The following SERPINB12 variants were observed in gnomAD, a reference collection of about 807,000 sequenced individuals.
The protein encoded by SERPINB12 is serpin B12.
A neutral mutation model predicts 41.1 loss-of-function variants in SERPINB12; 57 were observed. That is an observed-to-expected ratio of 1.39 (90% CI 1.12 to 1.73). The LOEUF is 1.73. Among genes scored for constraint, SERPINB12 ranks in the 40% most tolerant of loss-of-function variants. The pLI, the probability that SERPINB12 is intolerant of heterozygous loss-of-function variation, is 0.00. For synonymous variants in SERPINB12, 180 were observed against 181.3 expected, an observed-to-expected ratio of 0.99 and a Z score of 0.06; for missense variants, 536 against 501.9, an observed-to-expected ratio of 1.07 and a Z score of -0.65.
In SERPINB12 at chr18:63,561,161, C is replaced by A; in HGVS notation, c.521C>A (p.Ser174Tyr). 2 of 1,612,928 alleles carry A rather than the reference C, an allele frequency of 1.2e-6. No individual in the cohort carries two copies. The highest frequency in any genetic ancestry group is 1.7e-6 in the Non-Finnish European group (2 of 1,179,052). ...SVDFQKNPEK[S>Y]RQEINFWVEC... ...GATTTCCAAAAAAACCCTGAAAAAT[C>A]CAGACAAGAGATTAACTTCTGGGTT... Residue 174 changes from serine (S) to tyrosine (Y), a missense_variant, in exon 5 of 8, where the codon TCC becomes TAC. Transcript: ENST00000382768.
At position 63,556,343 on chromosome 18, in the gene SERPINB12, G is replaced by T; in HGVS notation, c.168+16G>T. On this transcript the variant is annotated intron_variant, in intron 2 of 7. Transcript: ENST00000382768. ...GATTGATGAGGTACGTGTCCACTAGGGTGCTACACAGGGTCCTAAACTCTG... is the reference window on the plus strand; with the variant it reads ...GATTGATGAGGTACGTGTCCACTAGTGTGCTACACAGGGTCCTAAACTCTG... The T allele has an allele frequency of 6.2e-7, 1 of 1,609,676 alleles. No individual in the cohort carries two copies. The highest frequency in any genetic ancestry group is 1.1e-5 in the South Asian group (1 of 90,708).
intron 2 of SERPINB12, among the ~76,000 whole-genome samples, chr18:63,557,091 C>T (rs1471649123): frequency 6.6e-6 from 1 of 152,178 alleles, no homozygotes; most frequent in East Asian, 1.9e-4. Context: ...ATCTGAATCC[C>T]AGATAAGCCC....
chr18:63,545,955 A>G (rs1410156319), intron 1 of SERPINB12, among the ~76,000 whole-genome samples: 1 of 152,196 alleles, frequency 6.6e-6, no homozygotes, highest in Non-Finnish European at 1.5e-5. Context: ...TTCTATGCTT[A>G]CTATTGATAA....
the SERPINB12 span, among the ~76,000 whole-genome samples, chr18:63,522,065 T>C: frequency 1.5e-3 from 221 of 152,350 alleles, no homozygotes; most frequent in African/African-American, 4.7e-3. Flanking sequence ...TTATCACAGA[T>C]AATCAAAATA....
At chr18:63,521,689 C>T in the SERPINB12 span, among the ~76,000 whole-genome samples, 10 of 152,146 alleles carry the variant, frequency 6.6e-5, no homozygotes, top group African/African-American at 1.9e-4. Flanking sequence ...TTTGTTCTGT[C>T]GCTGTGAGAA....
At chr18:63,540,563 C>T (rs1234239673), upstream of SERPINB12, among the ~76,000 whole-genome samples, 2 of 152,146 alleles carry the variant, frequency 1.3e-5, no homozygotes, top group African/African-American at 4.8e-5. Context: ...AGGAAGTAAT[C>T]TGAGATTCAG....
intron 6 of SERPINB12, 91 bp from the exon 7 acceptor site, chr18:63,565,354 T>G (rs1911059449): frequency 8.1e-7 from 1 of 1,235,782 alleles, no homozygotes; most frequent in Middle Eastern, 2.2e-4. Context: ...CTTCTCATCT[T>G]TAGGAACCCC....
chr18:63,526,740 GATTA>G, the SERPINB12 span, among the ~76,000 whole-genome samples: 5 of 152,276 alleles, frequency 3.3e-5, no homozygotes, highest in South Asian at 2.1e-4. Context: ...TGAGTTGAGA[GATTA>G]ATTCTTTCAA....
the SERPINB12 span, among the ~76,000 whole-genome samples, chr18:63,532,593 A>G: frequency 1.8e-3 from 277 of 152,184 alleles, no homozygotes; most frequent in African/African-American, 6.1e-3. Context: ...GACAGATTTT[A>G]CCTACTCTAC....
At chr18:63,524,866 C>T in the SERPINB12 span, among the ~76,000 whole-genome samples, 2 of 151,226 alleles carry the variant, frequency 1.3e-5, no homozygotes, top group Admixed American at 1.3e-4. Flanking sequence ...TCTCTTGTCT[C>T]AGCCACTCCA....
At chr18:63,524,924 A>G in the SERPINB12 span, among the ~76,000 whole-genome samples, 1 of 151,284 alleles carries the variant, frequency 6.6e-6, no homozygotes, top group Non-Finnish European at 1.5e-5. Flanking sequence ...TGATTTTTGT[A>G]TTTTTAGAAG....
chr18:63,534,507 G>C, the SERPINB12 span, among the ~76,000 whole-genome samples: 1 of 152,052 alleles, frequency 6.6e-6, no homozygotes, highest in Non-Finnish European at 1.5e-5. Context: ...GCATGATATT[G>C]GCCAGCACAG....
upstream of SERPINB12, among the ~76,000 whole-genome samples, chr18:63,539,948 A>G (rs1481757219): frequency 5.3e-5 from 8 of 151,594 alleles, no homozygotes; most frequent in Admixed American, 5.3e-4. Flanking sequence ...ACGTGGACAT[A>G]GAGAATTGCA....
chr18:63,564,346 T>C (rs946668764), intron 6 of SERPINB12, among the ~76,000 whole-genome samples: 2 of 152,238 alleles, frequency 1.3e-5, no homozygotes, highest in African/African-American at 2.4e-5. Flanking sequence ...AAGAGCATTA[T>C]GAGATGGGTG....
chr18:63,564,119 C>T lies in SERPINB12; in HGVS notation c.704C>T (p.Ala235Val), dbSNP rs543006776. 84 of 1,611,266 alleles carry T rather than the reference C, an allele frequency of 5.2e-5. No individual in the cohort carries two copies. The highest frequency in any genetic ancestry group is 1.7e-4 in the Middle Eastern group (1 of 6,056). The change falls in exon 6 of 8, where the codon GCG becomes GTG. Residue 235 changes from alanine (A) to valine (V), a missense_variant and splice_region_variant. By Grantham distance (64) the Ala-to-Val change is moderately conservative. Transcript: ENST00000382768. ...GTGGATGCACCTTTCTGTCTAAATG[C>T]GGTAGTGTATCAGAACTCATGGTTT... is the stretch of plus-strand genomic sequence containing the variant. ...NTVDAPFCLN[A>V]NENKSVKMMT...
At chr18:63,557,482 G>T (rs985961685) in intron 2 of SERPINB12, among the ~76,000 whole-genome samples, 4 of 152,174 alleles carry the variant, frequency 2.6e-5, no homozygotes, top group African/African-American at 4.8e-5. Flanking sequence ...CATAGTGCGG[G>T]GGTTATGCAC....
rs8085705 is a variant in SERPINB12 at position 63,567,960 on chromosome 18, G to A, written c.*949G>A. Among the ~76,000 whole-genome samples, 87,839 of 151,498 alleles carry A rather than the reference G, an allele frequency of 0.58. 27,492 individuals carry two copies. Among genetic ancestry groups the A allele is most frequent in the Middle Eastern group, 0.72 (209 of 290 alleles). ...GCCCCTCTCTCTGCCTTCTGGCCAC[G>A]TGGAGGCTGGCCTCCGTGTGCCCCT... On this transcript the variant is annotated 3_prime_UTR_variant, in exon 8 of 8. Transcript: ENST00000382768.
intron 7 of SERPINB12, among the ~76,000 whole-genome samples, chr18:63,565,881 A>G (rs1308136624): frequency 6.6e-6 from 1 of 152,248 alleles, no homozygotes; most frequent in African/African-American, 2.4e-5. Context: ...CTGGGTTCTG[A>G]GTAACTTGAA....
At chr18:63,562,304 C>T (rs1374914682) in intron 5 of SERPINB12, among the ~76,000 whole-genome samples, 2 of 152,198 alleles carry the variant, frequency 1.3e-5, no homozygotes, top group African/African-American at 4.8e-5. Flanking sequence ...GACTAGGCCC[C>T]TTTTTGATCA....
Sources: gnomAD v4.1 joint callset for allele counts (sites outside exome capture counted in the v4.1 genomes callset) on GRCh38, gnomAD v4.1.1 for gene constraint, MANE v1.5 for transcripts, NCBI Gene and HGNC (gene_info 2026-07-23, HGNC 2026-07-21) for gene names.